Variants in PPP2R2C observed in about 807,000 individuals in gnomAD.
PPP2R2C encodes the protein protein phosphatase 2 regulatory subunit Bgamma.
PPP2R2C carries 10 observed loss-of-function variants against 45.3 expected under a neutral mutation model. That is an observed-to-expected ratio of 0.22 (90% CI 0.14 to 0.37). PPP2R2C has a LOEUF of 0.37. PPP2R2C is among the 10% of genes least tolerant of loss of function. The pLI is 1.00. For synonymous variants in PPP2R2C, 257 were observed against 245.4 expected (o/e 1.05, Z -0.44); for missense variants, 308 against 619.7 (o/e 0.50, Z 5.34).
At chr4:6,387,674 A>G (rs953625319) in intron 1 of PPP2R2C, among the ~76,000 whole-genome samples, 15 of 152,156 alleles carry the variant, frequency 9.9e-5, no homozygotes, top group East Asian at 3.9e-4. Context: ...TTATCCGGGC[A>G]TGGTGGCGGG....
At chr4:6,511,564 GT>G (rs1577229486) in intron 2 of PPP2R2C, among the ~76,000 whole-genome samples, 40 of 41,922 alleles carry the variant, frequency 9.5e-4, no homozygotes, top group Admixed American at 1.4e-3. Flanking sequence ...GGTGGTGGTG[GT>G]GGTGGTGATG....
intron 5 of PPP2R2C, among the ~76,000 whole-genome samples, chr4:6,357,716 C>T (rs1048805015): frequency 6.6e-6 from 1 of 152,198 alleles, no homozygotes; most frequent in African/African-American, 2.4e-5. Context: ...CAAGGAGCTC[C>T]TCACCCTGGT....
At chr4:6,508,874 G>C (rs1723330762) in intron 2 of PPP2R2C, among the ~76,000 whole-genome samples, 1 of 152,192 alleles carries the variant, frequency 6.6e-6, no homozygotes, top group African/African-American at 2.4e-5. Flanking sequence ...ATCAAGGGAA[G>C]AGAGGCACAA....
chr4:6,354,824 C>A, intron 5 of PPP2R2C, among the ~76,000 whole-genome samples: 1 of 152,102 alleles, frequency 6.6e-6, no homozygotes, highest in East Asian at 1.9e-4. Context: ...CGCCCACAGC[C>A]CCCCACAGCC....
chr4:6,431,760 T>C (rs1719636455), intron 1 of PPP2R2C, among the ~76,000 whole-genome samples: 1 of 152,180 alleles, frequency 6.6e-6, no homozygotes, highest in South Asian at 2.1e-4. Flanking sequence ...CTGCCTCTGA[T>C]ACCCTTCCCA....
At chr4:6,347,636 G>T (rs1178610863) in intron 6 of PPP2R2C, among the ~76,000 whole-genome samples, 1 of 152,126 alleles carries the variant, frequency 6.6e-6, no homozygotes, top group Non-Finnish European at 1.5e-5. Flanking sequence ...GCTGTTCCTG[G>T]CTGTGCAGGG....
chr4:6,347,793 A>T, intron 6 of PPP2R2C, 53 bp downstream of exon 6: 1 of 535,902 alleles, frequency 1.9e-6, no homozygotes, highest in Non-Finnish European at 2.9e-6. Context: ...AGGACATCCC[A>T]CCCGCCCGCC....
chr4:6,508,727 C>T (rs1305048471), intron 2 of PPP2R2C, among the ~76,000 whole-genome samples: 3 of 152,124 alleles, frequency 2.0e-5, no homozygotes, highest in Admixed American at 2.0e-4. Flanking sequence ...GGAGTATGAC[C>T]TTCTAGGAAA....
intron 1 of PPP2R2C, among the ~76,000 whole-genome samples, chr4:6,448,035 G>A (rs1403048470): frequency 4.6e-5 from 7 of 152,124 alleles, no homozygotes; most frequent in Non-Finnish European, 1.0e-4. Flanking sequence ...GTACACCCCC[G>A]TGGGAGCCGC....
chr4:6,363,078 G>A (rs1232108731), intron 5 of PPP2R2C, among the ~76,000 whole-genome samples: 1 of 152,178 alleles, frequency 6.6e-6, no homozygotes, highest in Non-Finnish European at 1.5e-5. Flanking sequence ...TGGAGATGCT[G>A]ACCTCGACGC....
intron 1 of PPP2R2C, among the ~76,000 whole-genome samples, chr4:6,388,616 G>A (rs981978149): frequency 1.3e-5 from 2 of 152,086 alleles, no homozygotes; most frequent in Non-Finnish European, 2.9e-5. Flanking sequence ...AAGAATGAAG[G>A]GCAGGACGGG....
At chr4:6,347,750 C>T in intron 6 of PPP2R2C, 96 bp downstream of exon 6, 1 of 1,436,590 alleles carries the variant, frequency 7.0e-7, no homozygotes, top group Non-Finnish European at 9.3e-7. Flanking sequence ...GCTCATCCCA[C>T]ACCCACCACC....
chr4:6,380,468 C>G (rs948539327), intron 2 of PPP2R2C: 2 of 156,152 alleles, frequency 1.3e-5, no homozygotes, highest in African/African-American at 4.8e-5. Context: ...CAAAAACCAC[C>G]TAGCTCAGTC....
chr4:6,395,246 T>TC (rs1361426040), intron 1 of PPP2R2C, among the ~76,000 whole-genome samples: 1 of 152,094 alleles, frequency 6.6e-6, no homozygotes, highest in Non-Finnish European at 1.5e-5. Context: ...CACTGCCCCT[T>TC]CCCCGTGGCC....
At chr4:6,448,730 C>T (rs1214020938) in intron 1 of PPP2R2C, among the ~76,000 whole-genome samples, 3 of 152,128 alleles carry the variant, frequency 2.0e-5, no homozygotes, top group East Asian at 1.9e-4. Context: ...GGACTAGAAT[C>T]GTCACCCGCA....
At chr4:6,417,423 T>G (rs146567747) in intron 1 of PPP2R2C, among the ~76,000 whole-genome samples, 132 of 152,296 alleles carry the variant, frequency 8.7e-4, no homozygotes, top group African/African-American at 3.0e-3. Flanking sequence ...AAGAATCACC[T>G]TTTCTGGGGG....
At chr4:6,514,247 T>C (rs931260109) in intron 2 of PPP2R2C, among the ~76,000 whole-genome samples, 2 of 152,226 alleles carry the variant, frequency 1.3e-5, no homozygotes, top group African/African-American at 4.8e-5. Context: ...AGAAATTTCA[T>C]TTCATTTACT....
chr4:6,559,880 T>G (rs1725520898), intron 1 of PPP2R2C, among the ~76,000 whole-genome samples: 1 of 152,238 alleles, frequency 6.6e-6, no homozygotes, highest in Admixed American at 6.5e-5. Flanking sequence ...ATATGGTGTT[T>G]TGTTACGGCA....
chr4:6,463,896 C>T (rs2108760930), intron 1 of PPP2R2C, among the ~76,000 whole-genome samples: 2 of 152,318 alleles, frequency 1.3e-5, no homozygotes, highest in Middle Eastern at 6.8e-3. Context: ...AGCAAGAGCA[C>T]CAAGCCAGGT....
Sources: gnomAD v4.1 joint callset for allele counts (sites outside exome capture counted in the v4.1 genomes callset) on GRCh38, gnomAD v4.1.1 for gene constraint, MANE v1.5 for transcripts, NCBI Gene and HGNC (gene_info 2026-07-23, HGNC 2026-07-21) for gene names.